Variants in EP400 observed in about 807,000 individuals in gnomAD.
EP400 encodes the protein E1A binding protein p400.
Under a neutral mutation model 354.1 loss-of-function variants are expected in EP400, and 105 were observed. The observed-to-expected ratio is 0.30, with a 90% CI of 0.25 to 0.35. The LOEUF (loss-of-function observed/expected upper bound fraction) is 0.35. EP400 is among the 10% of genes least tolerant of loss of function. The pLI is 1.00. For synonymous variants in EP400, 1,646 were observed against 1,716.9 expected (o/e 0.96, Z 1.02); for missense variants, 3,280 against 4,121.0 (o/e 0.80, Z 5.59).
chr12:132,070,157 G>T lies in EP400; in HGVS notation c.9021+516G>T, dbSNP rs11831480. ...CATCCTTCTCTAAGAGCGGGGGAGT[G>T]GTACCTTCTTAGCTGGTCTTCCACC... On this transcript the variant is annotated intron_variant, in intron 51 of 52. Transcript: ENST00000389561. This position sits in a 1 kb window ranked among gnomAD's most constrained non-coding sequence, Gnocchi z 4.1. 0.31 allele frequency among the ~76,000 whole-genome samples: 47,236 copies of T among 151,726 alleles called. 10,249 individuals are homozygous for T. Among genetic ancestry groups the T allele is most frequent in the African/African-American group, 0.62 (25,585 of 41,306 alleles).
At chr12:132,048,642 C>A (rs1895193490) in intron 39 of EP400, among the ~76,000 whole-genome samples, 1 of 151,882 alleles carries the variant, frequency 6.6e-6, no homozygotes, top group Admixed American at 6.6e-5. Flanking sequence ...CCTGCCTCAG[C>A]CTCCCGAGTA....
At chr12:131,977,937 T>C (rs1892539837) in intron 2 of EP400, among the ~76,000 whole-genome samples, 1 of 152,210 alleles carries the variant, frequency 6.6e-6, no homozygotes, top group South Asian at 2.1e-4. Flanking sequence ...TGTTTAGGTA[T>C]CTGTAACTTT....
At chr12:131,986,347 A>G (rs961523637) in intron 5 of EP400, among the ~76,000 whole-genome samples, 167 bp from the exon 6 acceptor site, 1 of 152,224 alleles carries the variant, frequency 6.6e-6, no homozygotes, top group Non-Finnish European at 1.5e-5. Context: ...ATTTGTGGAC[A>G]CGTTAGTGTT....
In EP400 at chr12:132,030,116, C is replaced by T. The variant is rs759661211; in HGVS notation, c.5712C>T (p.Thr1904=). 9.9e-5 allele frequency: 159 copies of T among 1,614,056 alleles called. No individual in the cohort carries two copies. Among genetic ancestry groups the T allele is most frequent in the Non-Finnish European group, 1.3e-4 (158 of 1,180,040 alleles). Residue 1904 remains threonine (T), a synonymous_variant, in exon 29 of 53, where the codon ACC becomes ACT. Coordinates refer to ENST00000389561, the MANE Select transcript of EP400 (RefSeq NM_015409.5). ...LEMFLNFHYL[T]YVRIDENASS... ...TGTTCTTGAACTTCCATTACCTCAC[C>T]TATGTAAGAATCGATGAAAATGCCA...
intron 41 of EP400, among the ~76,000 whole-genome samples, chr12:132,051,891 T>C (rs1331010181): frequency 6.6e-6 from 1 of 152,136 alleles, no homozygotes; most frequent in African/African-American, 2.4e-5. Context: ...TAGACCACGG[T>C]CCGCTTGGCA....
Position 131,961,748 on chromosome 12 carries a change from C to A in EP400, c.1129C>A (p.Gln377Lys), listed in dbSNP as rs1165225467. The change falls in exon 2 of 53, where the codon CAG becomes AAG. Residue 377 changes from glutamine (Q) to lysine (K), a missense_variant. Physicochemically the swap from Gln to Lys is moderately conservative, Grantham distance 53. Around this residue, in one of 20 missense-constraint regions of EP400, gnomAD observed 85 missense variants for 180.3 expected, o/e 0.47. Transcript: ENST00000389561. ...QCLDYHYQEM[Q>K]ALKEVFKEYL... ...CCTGGACTATCATTACCAGGAGATG[C>A]AGGCTCTGAAGGAGGTCTTCAAGGA... 1.2e-6 allele frequency: 2 copies of A among 1,614,242 alleles called. No homozygotes were observed. The highest frequency in any genetic ancestry group is 1.1e-5 in the South Asian group (1 of 91,088).
At chr12:131,970,200 A>C (rs1892240287) in intron 2 of EP400, among the ~76,000 whole-genome samples, 1 of 152,278 alleles carries the variant, frequency 6.6e-6, no homozygotes, top group Admixed American at 6.5e-5. Context: ...GCATTAGAAC[A>C]GTAGGACAAT....
intron 46 of EP400, 62 bp downstream of exon 46, chr12:132,062,385 C>G: frequency 1.2e-6 from 2 of 1,610,292 alleles, no homozygotes; most frequent in Non-Finnish European, 1.7e-6. Context: ...GAGGGCTCAG[C>G]TGCTGCTTGC....
At chr12:132,000,351 C>A (rs981239415) in intron 12 of EP400, among the ~76,000 whole-genome samples, 16 of 152,118 alleles carry the variant, frequency 1.1e-4, no homozygotes, top group African/African-American at 3.9e-4. Flanking sequence ...GGGATTCTCA[C>A]TGACCTGGAT....
intron 30 of EP400, among the ~76,000 whole-genome samples, chr12:132,033,763 C>T (rs1279916092): frequency 6.6e-6 from 1 of 152,084 alleles, no homozygotes; most frequent in African/African-American, 2.4e-5. Flanking sequence ...AACTCCTGGG[C>T]TCAAACAGTC....
At chr12:132,048,519 ATTTTTT>A (rs35268260) in intron 39 of EP400, among the ~76,000 whole-genome samples, 3 of 133,602 alleles carry the variant, frequency 2.2e-5, no homozygotes, top group Non-Finnish European at 3.2e-5. Context: ...TTTGAGAGTG[ATTTTTT>A]TTTTTTTTTT....
intron 2 of EP400, among the ~76,000 whole-genome samples, chr12:131,962,950 G>A (rs1490971080): frequency 1.3e-5 from 2 of 152,160 alleles, no homozygotes; most frequent in African/African-American, 2.4e-5. Flanking sequence ...GTATTTGTGT[G>A]GCTTTGCCAT....
At chr12:132,046,893 G>C (rs548210837) in intron 39 of EP400, among the ~76,000 whole-genome samples, 1 of 152,220 alleles carries the variant, frequency 6.6e-6, no homozygotes, top group Non-Finnish European at 1.5e-5. Context: ...CCATGCTGGC[G>C]TGTGGGGACC....
rs531069190 is a variant in EP400, at chr12:132,027,038, A to G, written c.5015-399A>G. ...CTGCCGGGGCTGGGCTGCTCATGGCAGGCAAGGGCCTCACAGTCATCAGGC... is the reference window on the plus strand; with the variant it reads ...CTGCCGGGGCTGGGCTGCTCATGGCGGGCAAGGGCCTCACAGTCATCAGGC... On this transcript the variant is annotated intron_variant, in intron 25 of 52. Coordinates refer to ENST00000389561, the MANE Select transcript of EP400 (RefSeq NM_015409.5). The surrounding 1 kb of genome is among the most constrained non-coding windows in gnomAD (Gnocchi z 4.9). Among the ~76,000 whole-genome samples the G allele has an allele frequency of 1.1e-4, 16 of 152,302 alleles. No individual in the cohort carries two copies. The South Asian group carries it at 3.3e-3, about 32-fold the overall frequency.
At position 132,055,133 on chromosome 12, in the gene EP400, C is replaced by T. The variant is rs139421731; in HGVS notation, c.7809C>T (p.Ile2603=). ...GTGGAAATGTGATCGTGAACACCAT[C>T]GCAGGGGTCCCAGCTGCCACCTTCC... ...AVSGNVIVNT[I]AGVPAATFQS... The change falls in exon 45 of 53, where the codon ATC becomes ATT. Residue 2603 remains isoleucine (I), a synonymous_variant. Transcript: ENST00000389561. 168 of 1,611,178 alleles carry T rather than the reference C, an allele frequency of 1.0e-4. 2 individuals carry two copies. The South Asian group carries it at 1.4e-3, about 14-fold the overall frequency.
At chr12:131,958,622 G>A (rs139811892) in intron 1 of EP400, among the ~76,000 whole-genome samples, 14 of 152,168 alleles carry the variant, frequency 9.2e-5, no homozygotes, top group African/African-American at 1.9e-4. Context: ...GGGCTCAGGC[G>A]GTCTCCTTTG....
Position 131,986,734 on chromosome 12 carries a change from C to T in EP400, c.2150C>T (p.Pro717Leu), listed in dbSNP as rs1039792669. 6 of 1,614,122 alleles carry T rather than the reference C, an allele frequency of 3.7e-6. No individual in the cohort carries two copies. The highest frequency in any genetic ancestry group is 5.1e-6 in the Non-Finnish European group (6 of 1,180,050). ...GTGGTGGCATCTGCCCCCACCAAAC[C>T]ACAGAGTCCTGCTCAGAATGCCACC... ...PGVVASAPTK[P>L]QSPAQNATSS... Residue 717 changes from proline to leucine, a missense_variant, in exon 6 of 53, where the codon CCA becomes CTA. Pro to Leu is a moderately conservative substitution (Grantham distance 98, BLOSUM62 -3). This residue lies in a region of EP400 where 800 missense variants were observed against 840.0 expected (regional missense o/e 0.95). Transcript: ENST00000389561.
chr12:132,012,243 T>C (rs1893791774), intron 16 of EP400, among the ~76,000 whole-genome samples: 2 of 152,192 alleles, frequency 1.3e-5, no homozygotes, highest in African/African-American at 4.8e-5. Flanking sequence ...TTGTAGTCTG[T>C]TTTTGGTGCT....
Position 132,017,843 on chromosome 12 carries a change from G to A in EP400, c.4110+122G>A, listed in dbSNP as rs367945449. On this transcript the variant is annotated intron_variant, in intron 20 of 52. Transcript: ENST00000389561. The surrounding 1 kb of genome is among the most constrained non-coding windows in gnomAD (Gnocchi z 5.0). The stretch of plus-strand genomic sequence containing the variant: ...CTTCTGCAATTGCAATTGCAGCTCC[G>A]CGATACATGGCACCGTCTAGCAGCA... The A allele has an allele frequency of 3.0e-4, 328 of 1,091,442 alleles. No individual in the cohort carries two copies. Among genetic ancestry groups the A allele is most frequent in the African/African-American group, 9.3e-4 (58 of 62,224 alleles). 67.6% of individuals were successfully genotyped at this position (1,091,442 alleles called of 1,614,324 possible). A position where few individuals can be genotyped will look rare whatever the true frequency, so the allele number is the denominator to read the frequency against.
Sources: gnomAD v4.1 joint callset for allele counts (sites outside exome capture counted in the v4.1 genomes callset) on GRCh38, gnomAD v4.1.1 for gene constraint, gnomAD v4.1.1 regional missense constraint, Gnocchi (gnomAD v3.1) non-coding constraint, MANE v1.5 for transcripts, NCBI Gene and HGNC (gene_info 2026-07-23, HGNC 2026-07-21) for gene names.